Variants in CATSPERB observed in about 807,000 individuals in gnomAD.
CATSPERB encodes the protein catsper channel auxiliary subunit beta.
CATSPERB carries 93 observed loss-of-function variants against 128.3 expected under a neutral mutation model. The observed-to-expected ratio is 0.72, with a 90% CI of 0.61 to 0.86. The LOEUF (loss-of-function observed/expected upper bound fraction) is 0.86. Ranked by LOEUF, CATSPERB falls within the 40% of genes least tolerant of loss-of-function variation. CATSPERB has a pLI of 0.00. For synonymous variants in CATSPERB, 381 were observed against 448.8 expected (o/e 0.85, Z 1.91); for missense variants, 1,153 against 1,329.5 (o/e 0.87, Z 2.06).
At chr14:91,694,872 A>G (rs1895533785) in intron 7 of CATSPERB, among the ~76,000 whole-genome samples, 2 of 152,184 alleles carry the variant, frequency 1.3e-5, no homozygotes. Flanking sequence ...GTCAAAGGAC[A>G]TAACTACTGG....
intron 11 of CATSPERB, among the ~76,000 whole-genome samples, chr14:91,679,933 G>A (rs1245410659): frequency 1.3e-5 from 2 of 152,046 alleles, no homozygotes; most frequent in African/African-American, 4.8e-5. Flanking sequence ...ACTCCTAGAT[G>A]GACATACCTC....
intron 5 of CATSPERB, among the ~76,000 whole-genome samples, chr14:91,716,719 A>G (rs969153112): frequency 2.0e-5 from 3 of 150,810 alleles, no homozygotes; most frequent in African/African-American, 7.3e-5. Flanking sequence ...GCATACACAC[A>G]CACACACACA....
intron 22 of CATSPERB, among the ~76,000 whole-genome samples, chr14:91,607,311 G>A (rs1893729268): frequency 6.6e-6 from 1 of 152,192 alleles, no homozygotes; most frequent in Non-Finnish European, 1.5e-5. Flanking sequence ...AGGCAGGGAA[G>A]GAGGGGAGAC....
intron 2 of CATSPERB, among the ~76,000 whole-genome samples, chr14:91,726,277 T>G (rs1896118459): frequency 6.6e-6 from 1 of 152,164 alleles, no homozygotes; most frequent in Admixed American, 6.5e-5. Flanking sequence ...CACTTGGGTT[T>G]CAGGAGTCAC....
At chr14:91,597,789 T>C (rs1893534464) in intron 22 of CATSPERB, among the ~76,000 whole-genome samples, 2 of 152,210 alleles carry the variant, frequency 1.3e-5, no homozygotes, top group Admixed American at 1.3e-4. Flanking sequence ...TTGCTGTCAG[T>C]GTTTAAGATT....
rs149037988 is a variant in CATSPERB, at chr14:91,610,481, G to C, written c.2597C>G (p.Pro866Arg). 6,456 of 1,594,636 alleles carry C rather than the reference G, an allele frequency of 4.0e-3. 19 individuals carry two copies. Among genetic ancestry groups the C allele is most frequent in the Non-Finnish European group, 4.9e-3 (5,724 of 1,174,314 alleles). ...SQGFNLIKTL[P>R]INYRPPSNMG... Reference sequence around the variant, plus strand: ...ATATACTTAGATTTTTTTTTTTACCGGCAAAGTTTTGATGAGGTTAAAACC... The same window carrying C: ...ATATACTTAGATTTTTTTTTTTACCCGCAAAGTTTTGATGAGGTTAAAACC... Residue 866 changes from proline (P) to arginine (R), a missense_variant and splice_region_variant, in exon 21 of 27, where the codon CCG (proline) becomes CGG (arginine). Coordinates refer to ENST00000256343, the MANE Select transcript of CATSPERB (RefSeq NM_024764.4).
At chr14:91,629,321 A>AAATT (rs1250588016) in intron 17 of CATSPERB, among the ~76,000 whole-genome samples, 1 of 152,222 alleles carries the variant, frequency 6.6e-6, no homozygotes, top group African/African-American at 2.4e-5. Flanking sequence ...GGAAAAGGCA[A>AAATT]AATTATGGAG....
At chr14:91,594,794 C>T (rs1893475011) in intron 22 of CATSPERB, among the ~76,000 whole-genome samples, 1 of 152,132 alleles carries the variant, frequency 6.6e-6, no homozygotes, top group South Asian at 2.1e-4. Context: ...ATATAGGCCA[C>T]ATTACTCTGA....
At chr14:91,662,205 T>C (rs1195551229) in intron 14 of CATSPERB, among the ~76,000 whole-genome samples, 1 of 152,160 alleles carries the variant, frequency 6.6e-6, no homozygotes, top group Non-Finnish European at 1.5e-5. Context: ...AATTTTGTGT[T>C]TTTTCATTCC....
At chr14:91,655,127 A>AGG (rs1464764949) in intron 15 of CATSPERB, among the ~76,000 whole-genome samples, 1 of 152,240 alleles carries the variant, frequency 6.6e-6, no homozygotes, top group East Asian at 1.9e-4. Flanking sequence ...GGTACCTCCT[A>AGG]ATGCAGATTC....
At chr14:91,726,441 T>C (rs920032096) in intron 2 of CATSPERB, among the ~76,000 whole-genome samples, 1 of 152,132 alleles carries the variant, frequency 6.6e-6, no homozygotes, top group Admixed American at 6.5e-5. Context: ...GCCAGGGAAC[T>C]CTCCCGTTTC....
chr14:91,597,923 C>T (rs901624525), intron 22 of CATSPERB, among the ~76,000 whole-genome samples: 4 of 151,742 alleles, frequency 2.6e-5, no homozygotes, highest in African/African-American at 9.7e-5. Flanking sequence ...TTTTTTATCT[C>T]AGTTTTTTTC....
intron 15 of CATSPERB, among the ~76,000 whole-genome samples, chr14:91,659,271 T>C (rs28460706): frequency 0.14 from 21,295 of 152,222 alleles, 1,876 homozygotes; most frequent in African/African-American, 0.25. Context: ...AATAGTACTT[T>C]GTACCCCATG....
chr14:91,682,770 A>T (rs1181929710), intron 11 of CATSPERB, among the ~76,000 whole-genome samples: 1 of 152,222 alleles, frequency 6.6e-6, no homozygotes, highest in South Asian at 2.1e-4. Context: ...CCATAGATGT[A>T]GAATTACAAG....
chr14:91,612,012 T>TTTTTC (rs1893837358), intron 20 of CATSPERB, among the ~76,000 whole-genome samples: 1 of 132,924 alleles, frequency 7.5e-6, no homozygotes, highest in African/African-American at 2.9e-5. Context: ...TTGTTTACTG[T>TTTTTC]TTTCTTTCTT....
chr14:91,677,146 T>C (rs1895204705), intron 11 of CATSPERB, among the ~76,000 whole-genome samples: 1 of 152,134 alleles, frequency 6.6e-6, no homozygotes, highest in Non-Finnish European at 1.5e-5. Flanking sequence ...GCAATACCAT[T>C]CAGGACATAG....
intron 26 of CATSPERB, among the ~76,000 whole-genome samples, chr14:91,583,280 A>G (rs1337688745): frequency 1.3e-5 from 2 of 152,150 alleles, no homozygotes; most frequent in African/African-American, 2.4e-5. Flanking sequence ...TTAGCCAGGC[A>G]TGGTGGCGGG....
At chr14:91,619,553 T>A (rs555941497) in intron 19 of CATSPERB, among the ~76,000 whole-genome samples, 53 of 149,360 alleles carry the variant, frequency 3.5e-4, no homozygotes, top group African/African-American at 6.4e-4. Context: ...GCCTTTTTTT[T>A]AAAAAAAAAA....
chr14:91,647,078 G>T (rs898437119), intron 15 of CATSPERB, among the ~76,000 whole-genome samples: 2 of 152,166 alleles, frequency 1.3e-5, no homozygotes, highest in Non-Finnish European at 2.9e-5. Flanking sequence ...AATTAGCTGG[G>T]TGTGGTGGTG....
Sources: gnomAD v4.1 joint callset for allele counts (sites outside exome capture counted in the v4.1 genomes callset) on GRCh38, gnomAD v4.1.1 for gene constraint, MANE v1.5 for transcripts, NCBI Gene and HGNC (gene_info 2026-07-23, HGNC 2026-07-21) for gene names.